The following CDK8 variants were observed in gnomAD, a reference collection of about 807,000 sequenced individuals.
The protein encoded by CDK8 is cyclin-dependent kinase 8.
Under a neutral mutation model 71.5 loss-of-function variants are expected in CDK8, and 29 were observed. That is an observed-to-expected ratio of 0.41 (90% CI 0.30 to 0.55). The LOEUF is 0.55. Ranked by LOEUF, CDK8 falls within the 20% of genes least tolerant of loss-of-function variation. CDK8 has a pLI of 0.37. For synonymous variants in CDK8, 161 were observed against 192.1 expected, an observed-to-expected ratio of 0.84 and a Z score of 1.34; for missense variants, 288 against 572.6, an observed-to-expected ratio of 0.50 and a Z score of 5.07.
chr13:26,334,734 T>G (rs1201081890), intron 1 of CDK8, among the ~76,000 whole-genome samples: 3 of 152,220 alleles, frequency 2.0e-5, no homozygotes, highest in African/African-American at 7.2e-5. Context: ...TTGACTTAAA[T>G]TAATTGATTT....
chr13:26,360,091 C>A (rs1874068543), intron 4 of CDK8, among the ~76,000 whole-genome samples: 1 of 152,130 alleles, frequency 6.6e-6, no homozygotes, highest in South Asian at 2.1e-4. Flanking sequence ...GAATGCTTTT[C>A]TCATTCAGTT....
At chr13:26,307,401 C>A (rs1338666070) in intron 1 of CDK8, among the ~76,000 whole-genome samples, 3 of 152,148 alleles carry the variant, frequency 2.0e-5, no homozygotes, top group Admixed American at 6.6e-5. Context: ...ACTTGACCCA[C>A]TGTTTCTTGC....
intron 1 of CDK8, among the ~76,000 whole-genome samples, chr13:26,297,346 G>C (rs2137910877): frequency 6.6e-6 from 1 of 152,116 alleles, no homozygotes; most frequent in Middle Eastern, 3.4e-3. Context: ...AATAGCAAAA[G>C]AGGAAAGAAG....
intron 12 of CDK8, 113 bp from the exon 13 acceptor site, chr13:26,403,843 C>G: frequency 1.5e-6 from 2 of 1,332,156 alleles, no homozygotes; most frequent in Non-Finnish European, 2.1e-6. Flanking sequence ...GTACATAGCA[C>G]AAAACCTATA....
At chr13:26,306,105 G>A (rs813794) in intron 1 of CDK8, among the ~76,000 whole-genome samples, 151,973 of 152,348 alleles carry the variant, frequency 1, 75,801 homozygotes, top group Middle Eastern at 1. Context: ...ACATTAGTCT[G>A]TTTTCAGTCT....
chr13:26,317,045 T>G (rs552220271), intron 1 of CDK8, among the ~76,000 whole-genome samples: 3 of 152,048 alleles, frequency 2.0e-5, no homozygotes, highest in African/African-American at 7.2e-5. Context: ...GGAAATGGTA[T>G]CAAGTATGAG....
chr13:26,330,690 G>A (rs1008255632), intron 1 of CDK8, among the ~76,000 whole-genome samples: 1 of 151,190 alleles, frequency 6.6e-6, no homozygotes, highest in Non-Finnish European at 1.5e-5. Flanking sequence ...GTCTTTTCGC[G>A]TCTGGCTTAT....
intron 1 of CDK8, among the ~76,000 whole-genome samples, chr13:26,313,216 A>T (rs1422558279): frequency 2.0e-5 from 3 of 152,194 alleles, no homozygotes; most frequent in Non-Finnish European, 2.9e-5. Flanking sequence ...CTCCATCACT[A>T]GTCATAGTAC....
At chr13:26,345,485 G>A (rs1873425886) in intron 2 of CDK8, among the ~76,000 whole-genome samples, 2 of 152,036 alleles carry the variant, frequency 1.3e-5, no homozygotes, top group Admixed American at 1.3e-4. Context: ...AGGCTCAAGC[G>A]ATTCTCCTGC....
chr13:26,281,925 A>G (rs1872768944), intron 1 of CDK8, among the ~76,000 whole-genome samples: 1 of 152,084 alleles, frequency 6.6e-6, no homozygotes, highest in South Asian at 2.1e-4. Context: ...TGCAGTATGC[A>G]CTGGAATTCC....
chr13:26,346,573 C>G (rs1353882518), intron 2 of CDK8, among the ~76,000 whole-genome samples: 1 of 152,164 alleles, frequency 6.6e-6, no homozygotes, highest in African/African-American at 2.4e-5. Context: ...CGAGCTTTGG[C>G]TCTTTGAGCC....
chr13:26,360,389 T>C (rs545949991), intron 4 of CDK8, among the ~76,000 whole-genome samples: 1 of 152,356 alleles, frequency 6.6e-6, no homozygotes, highest in South Asian at 2.1e-4. Context: ...TTTCTTTCCC[T>C]ATCTTACTCC....
intron 4 of CDK8, among the ~76,000 whole-genome samples, chr13:26,363,327 C>A (rs372150064): frequency 5.5e-4 from 25 of 45,242 alleles, no homozygotes; most frequent in South Asian, 2.8e-3. Flanking sequence ...GACTCCATCT[C>A]AAAAAAAAAA....
chr13:26,294,351 G>T (rs1336229835), intron 1 of CDK8, among the ~76,000 whole-genome samples: 1 of 152,124 alleles, frequency 6.6e-6, no homozygotes, highest in Non-Finnish European at 1.5e-5. Flanking sequence ...ATGTGATTCT[G>T]TATCTTGGCT....
intron 3 of CDK8, among the ~76,000 whole-genome samples, chr13:26,351,305 A>G (rs1400956862): frequency 6.6e-6 from 1 of 152,044 alleles, no homozygotes; most frequent in Non-Finnish European, 1.5e-5. Flanking sequence ...TCTCTCTTTT[A>G]TGAAACTCTT....
At chr13:26,347,521 A>G (rs1317121693) in intron 2 of CDK8, among the ~76,000 whole-genome samples, 2 of 152,224 alleles carry the variant, frequency 1.3e-5, no homozygotes, top group Non-Finnish European at 2.9e-5. Flanking sequence ...AGAAAGTTTT[A>G]TAAATCATAT....
At chr13:26,323,439 C>T (rs977573265) in intron 1 of CDK8, among the ~76,000 whole-genome samples, 1 of 151,912 alleles carries the variant, frequency 6.6e-6, no homozygotes, top group African/African-American at 2.4e-5. Flanking sequence ...GAAGACCCCA[C>T]CTTCATGAAC....
At chr13:26,327,561 G>C (rs1875073697) in intron 1 of CDK8, among the ~76,000 whole-genome samples, 2 of 152,214 alleles carry the variant, frequency 1.3e-5, no homozygotes, top group South Asian at 4.1e-4. Context: ...AGGTGCGGTG[G>C]CTCATGCCTG....
chr13:26,369,559 C>T lies in CDK8; in HGVS notation c.457-13255C>T, dbSNP rs371480265. 3.5e-5 allele frequency among the ~76,000 whole-genome samples: 4 copies of T among 113,320 alleles called. 1 individual carries two copies. Among genetic ancestry groups the T allele is most frequent in the Non-Finnish European group, 5.2e-5 (3 of 58,050 alleles). 74.3% of individuals were successfully genotyped at this position (113,320 alleles called of 152,430 possible). A position where few individuals can be genotyped will look rare whatever the true frequency, so the allele number is the denominator to read the frequency against. ...TTTTTTTTTTTTTTTGAGACAGTCT[C>T]GCTCTGTCACCCAGGCTGGAGTGCA... On this transcript the variant is annotated intron_variant, in intron 4 of 12. Transcript: ENST00000381527.
Sources: gnomAD v4.1 joint callset for allele counts (sites outside exome capture counted in the v4.1 genomes callset) on GRCh38, gnomAD v4.1.1 for gene constraint, MANE v1.5 for transcripts, NCBI Gene and HGNC (gene_info 2026-07-23, HGNC 2026-07-21) for gene names.